The following ADAMTS9 variants were observed in gnomAD, a reference collection of about 807,000 sequenced individuals.
The protein encoded by ADAMTS9 is ADAM metallopeptidase with thrombospondin type 1 motif 9.
Under a neutral mutation model 257.1 loss-of-function variants are expected in ADAMTS9, and 107 were observed. That is an observed-to-expected ratio of 0.42 (90% CI 0.36 to 0.49). ADAMTS9 has a LOEUF of 0.49. Ranked by LOEUF, ADAMTS9 falls within the 20% of genes least tolerant of loss-of-function variation. The probability of loss-of-function intolerance (pLI) is 0.03; values close to 1 mark genes in which losing one functional copy is unlikely to be tolerated. For synonymous variants in ADAMTS9, 982 were observed against 880.9 expected, an observed-to-expected ratio of 1.11 and a Z score of -2.03; for missense variants, 2,353 against 2,469.1, an observed-to-expected ratio of 0.95 and a Z score of 1.00.
At chr3:64,545,686 A>T (rs2083187855) in intron 32 of ADAMTS9, among the ~76,000 whole-genome samples, 1 of 152,238 alleles carries the variant, frequency 6.6e-6, no homozygotes, top group African/African-American at 2.4e-5. Flanking sequence ...GCAGCACACC[A>T]ACATGGCACA....
chr3:64,658,828 C>G (rs1446132129), intron 3 of ADAMTS9, 37 bp from the exon 4 acceptor site: 1 of 1,559,474 alleles, frequency 6.4e-7, no homozygotes, highest in East Asian at 2.2e-5. Flanking sequence ...ACATTTCAAG[C>G]CACATCTATT....
chr3:64,629,086 A>C (rs1408482717), intron 16 of ADAMTS9, among the ~76,000 whole-genome samples: 1 of 152,132 alleles, frequency 6.6e-6, no homozygotes, highest in Non-Finnish European at 1.5e-5. Context: ...TCCATCAACA[A>C]GTCATATTGG....
intron 26 of ADAMTS9, among the ~76,000 whole-genome samples, chr3:64,597,447 G>C (rs1275991014): frequency 6.6e-6 from 1 of 152,160 alleles, no homozygotes; most frequent in Non-Finnish European, 1.5e-5. Flanking sequence ...GCCAGTTGTA[G>C]AAATTAAGCT....
intron 29 of ADAMTS9, 70 bp downstream of exon 29, chr3:64,568,298 G>C (rs894308568): frequency 3.3e-6 from 5 of 1,525,200 alleles, no homozygotes; most frequent in Middle Eastern, 2.2e-4. Context: ...AGAAACACAA[G>C]TGAACACACT....
chr3:64,663,995 T>C (rs1701286213), intron 3 of ADAMTS9, among the ~76,000 whole-genome samples: 1 of 152,176 alleles, frequency 6.6e-6, no homozygotes, highest in African/African-American at 2.4e-5. Flanking sequence ...TGAATAGAGT[T>C]GTAATAACAG....
chr3:64,602,079 T>A lies in ADAMTS9; in HGVS notation c.3882A>T (p.Pro1294=), dbSNP rs1169931698. 3 of 1,614,106 alleles carry A rather than the reference T, an allele frequency of 1.9e-6. No homozygotes were observed. Among genetic ancestry groups the A allele is most frequent in the Non-Finnish European group, 1.7e-6 (2 of 1,179,998 alleles). Reference sequence around the variant, plus strand: ...CACTGTCTGGGGTCCTTTGAGGGCATGGTGACATGGAACAGTCCTGGTCAG... The same window carrying A: ...CACTGTCTGGGGTCCTTTGAGGGCAAGGTGACATGGAACAGTCCTGGTCAG... The part of the protein sequence containing the change: ...PETDQDCSMS[P]CPQRTPDSGL... The change falls in exon 26 of 40, where the codon CCA becomes CCT. Residue 1294 remains proline (P), a synonymous_variant. Transcript: ENST00000498707.
At chr3:64,595,690 A>T (rs1346251769) in intron 27 of ADAMTS9, among the ~76,000 whole-genome samples, 1 of 152,210 alleles carries the variant, frequency 6.6e-6, no homozygotes, top group Non-Finnish European at 1.5e-5. Flanking sequence ...TCCCGTTATG[A>T]CTGCCTATGA....
At chr3:64,664,439 C>G (rs956736566) in intron 3 of ADAMTS9, among the ~76,000 whole-genome samples, 1 of 152,128 alleles carries the variant, frequency 6.6e-6, no homozygotes, top group Non-Finnish European at 1.5e-5. Flanking sequence ...TCCATTCTCC[C>G]CTTTCCTCAG....
intron 12 of ADAMTS9, among the ~76,000 whole-genome samples, chr3:64,635,712 CTG>C (rs931893860): frequency 2.0e-5 from 3 of 152,184 alleles, no homozygotes; most frequent in Admixed American, 2.0e-4. Context: ...AGACTCTTCT[CTG>C]TGCACGTCTG....
At chr3:64,601,332 G>A (rs2084456783) in intron 26 of ADAMTS9, among the ~76,000 whole-genome samples, 1 of 152,166 alleles carries the variant, frequency 6.6e-6, no homozygotes, top group East Asian at 1.9e-4. Flanking sequence ...TCAAAGAGGA[G>A]AAGGGACCTG....
intron 16 of ADAMTS9, among the ~76,000 whole-genome samples, chr3:64,630,085 G>T (rs1253906106): frequency 6.6e-6 from 1 of 151,904 alleles, no homozygotes; most frequent in Admixed American, 6.6e-5. Flanking sequence ...AAGATTGACT[G>T]CCCAGCAAGA....
At chr3:64,530,873 C>G (rs193228881) in intron 38 of ADAMTS9, among the ~76,000 whole-genome samples, 288 of 152,162 alleles carry the variant, frequency 1.9e-3, no homozygotes, top group African/African-American at 6.6e-3. Context: ...CTGAAACATA[C>G]AGTGTATTTC....
At position 64,548,263 on chromosome 3, in the gene ADAMTS9, C is replaced by T. The variant is rs143211329; in HGVS notation, c.4870-1311G>A. ...AGGAGAGAACAAGTCCAGCTAGAGG[C>T]ACGCAGAGCATCCCTAGGCCTTCCC... On this transcript the variant is annotated intron_variant, in intron 31 of 39. Transcript: ENST00000498707. Among the ~76,000 whole-genome samples, 743 of 152,278 alleles carry T rather than the reference C, an allele frequency of 4.9e-3. 8 individuals carry two copies. Among genetic ancestry groups the T allele is most frequent in the African/African-American group, 0.017 (711 of 41,562 alleles).
intron 16 of ADAMTS9, among the ~76,000 whole-genome samples, chr3:64,627,586 G>A (rs947725660): frequency 6.6e-6 from 1 of 152,170 alleles, no homozygotes; most frequent in African/African-American, 2.4e-5. Context: ...GTGAAAGGAT[G>A]ACCTTTGACA....
chr3:64,521,511 A>G (rs1016884333), intron 39 of ADAMTS9: 4 of 152,228 alleles, frequency 2.6e-5, no homozygotes, highest in African/African-American at 9.6e-5. Flanking sequence ...TTGCAGCACT[A>G]TTCACAATAG....
chr3:64,600,111 T>C (rs1478642256), intron 26 of ADAMTS9, among the ~76,000 whole-genome samples: 4 of 149,754 alleles, frequency 2.7e-5, no homozygotes, highest in Non-Finnish European at 5.9e-5. Context: ...CTCAAGTGTA[T>C]ACAGAAATCT....
In ADAMTS9 at chr3:64,687,858, G is replaced by A. The variant is rs1701962176; in HGVS notation, c.-201C>T. The A allele has an allele frequency of 4.5e-6, 2 of 446,038 alleles. No homozygotes were observed. Among genetic ancestry groups the A allele is most frequent in the Admixed American group, 4.4e-5 (1 of 22,584 alleles). The allele number at this position is 446,038 out of a possible 1,614,324, so 27.6% of individuals were successfully genotyped here. A position where few individuals can be genotyped will look rare whatever the true frequency, so the allele number is the denominator to read the frequency against. ...TGAGCAACGCCGCCGCCTGCCGAGAGCTGAGCCGCTCGGGCCGCAGGAGGA... is the reference window on the plus strand; with the variant it reads ...TGAGCAACGCCGCCGCCTGCCGAGAACTGAGCCGCTCGGGCCGCAGGAGGA... On this transcript the variant is annotated 5_prime_UTR_variant, in exon 1 of 40. Transcript: ENST00000498707. This position sits in a 1 kb window ranked among gnomAD's most constrained non-coding sequence, Gnocchi z 4.4.
At position 64,686,439 on chromosome 3, in the gene ADAMTS9, C is replaced by T; in HGVS notation, c.516+129G>A. The T allele has an allele frequency of 7.7e-7, 1 of 1,297,850 alleles. No homozygotes were observed. The highest frequency in any genetic ancestry group is 1.0e-6 in the Non-Finnish European group (1 of 965,956). 80.4% of individuals were successfully genotyped at this position (1,297,850 alleles called of 1,614,324 possible). On this transcript the variant is annotated intron_variant, in intron 2 of 39. Coordinates refer to ENST00000498707, the MANE Select transcript of ADAMTS9 (RefSeq NM_182920.2). This position sits in a 1 kb window ranked among gnomAD's most constrained non-coding sequence, Gnocchi z 4.6. ...CTACCCAAACCATACGAGTTTCTAG[C>T]TGATATTTAACGCCGGAGAGGAGCG... is the stretch of plus-strand genomic sequence containing the variant.
intron 36 of ADAMTS9, among the ~76,000 whole-genome samples, chr3:64,540,239 G>A (rs1288472161): frequency 6.6e-6 from 1 of 152,214 alleles, no homozygotes; most frequent in Non-Finnish European, 1.5e-5. Flanking sequence ...GAAATTTAAA[G>A]TATCTTGGTA....
Sources: allele counts gnomAD v4.1 joint callset (sites outside exome capture counted in the v4.1 genomes callset), GRCh38; gene constraint gnomAD v4.1.1; non-coding constraint Gnocchi (gnomAD v3.1); transcripts MANE v1.5; gene names NCBI Gene and HGNC (gene_info 2026-07-23, HGNC 2026-07-21).